Variants in NLRP13 observed in about 807,000 individuals in gnomAD.
The protein encoded by NLRP13 is NLR family pyrin domain containing 13.
NLRP13 carries 82 observed loss-of-function variants against 94.4 expected under a neutral mutation model. The ratio of observed to expected loss-of-function variants is 0.87; its 90% CI spans 0.73 to 1.04. NLRP13 has a LOEUF of 1.04. Ranked by LOEUF, NLRP13 falls within the 50% of genes least tolerant of loss-of-function variation. The probability of loss-of-function intolerance (pLI) is 0.00; values close to 1 mark genes in which losing one functional copy is unlikely to be tolerated. For missense variants in NLRP13, 1,426 were observed against 1,230.8 expected, an observed-to-expected ratio of 1.16 and a Z score of -2.37; for synonymous variants, 553 against 464.7, an observed-to-expected ratio of 1.19 and a Z score of -2.45.
intron 7 of NLRP13, among the ~76,000 whole-genome samples, chr19:55,905,531 A>G (rs1418528518): frequency 6.6e-6 from 1 of 151,822 alleles, no homozygotes. Flanking sequence ...GTGCACCTGT[A>G]GTCCCAGCTA....
At chr19:55,927,267 G>A (rs1015686238) in intron 1 of NLRP13, among the ~76,000 whole-genome samples, 1 of 151,728 alleles carries the variant, frequency 6.6e-6, no homozygotes. Context: ...TATTTGGGAG[G>A]CTGAGGCAGG....
chr19:55,906,055 A>C (rs1297936945), intron 7 of NLRP13, among the ~76,000 whole-genome samples: 1 of 152,090 alleles, frequency 6.6e-6, no homozygotes, highest in Non-Finnish European at 1.5e-5. Context: ...AAGAAAGAAG[A>C]GGCCAGGCGT....
chr19:55,907,391 G>A (rs1378062958), intron 7 of NLRP13, among the ~76,000 whole-genome samples: 5 of 152,170 alleles, frequency 3.3e-5, no homozygotes, highest in South Asian at 2.1e-4. Context: ...GGGAAACATG[G>A]CAAAACCCCA....
At chr19:55,927,947 A>G (rs150719422) in intron 1 of NLRP13, among the ~76,000 whole-genome samples, 3 of 152,280 alleles carry the variant, frequency 2.0e-5, no homozygotes, top group East Asian at 1.9e-4. Context: ...TGTGTCCGCA[A>G]ACTCACTCTC....
At chr19:55,929,173 G>A (rs553646956) in intron 1 of NLRP13, among the ~76,000 whole-genome samples, 10 of 152,318 alleles carry the variant, frequency 6.6e-5, no homozygotes, top group African/African-American at 1.2e-4. Context: ...TTACACTGTT[G>A]GTGGGAGTGT....
intron 8 of NLRP13, among the ~76,000 whole-genome samples, chr19:55,902,724 A>G (rs1986221874): frequency 6.6e-6 from 1 of 152,128 alleles, no homozygotes; most frequent in Admixed American, 6.5e-5. Context: ...TAGAGATGGC[A>G]TATATTAGAT....
At chr19:55,931,645 G>A (rs559407004) in intron 1 of NLRP13, among the ~76,000 whole-genome samples, 1 of 146,516 alleles carries the variant, frequency 6.8e-6, no homozygotes, top group East Asian at 2.0e-4. Flanking sequence ...GGAGGCAGAG[G>A]TTACAGTGAC....
chr19:55,915,063 G>A (rs1329057997), intron 4 of NLRP13, among the ~76,000 whole-genome samples: 1 of 152,184 alleles, frequency 6.6e-6, no homozygotes, highest in Non-Finnish European at 1.5e-5. Context: ...AAAAGAGAGG[G>A]AAAGGAGAAA....
At chr19:55,903,557 C>T (rs1986250245) in intron 8 of NLRP13, among the ~76,000 whole-genome samples, 1 of 152,240 alleles carries the variant, frequency 6.6e-6, no homozygotes, top group Admixed American at 6.5e-5. Flanking sequence ...CGCAGTCCTG[C>T]CTACAACGGC....
At chr19:55,907,030 G>A (rs1002432700) in intron 7 of NLRP13, among the ~76,000 whole-genome samples, 1 of 152,006 alleles carries the variant, frequency 6.6e-6, no homozygotes, top group East Asian at 1.9e-4. Context: ...CACAATCTTG[G>A]CTCACTGCAA....
At chr19:55,911,589 G>A in intron 5 of NLRP13, 117 bp downstream of exon 5, 1 of 973,546 alleles carries the variant, frequency 1.0e-6, no homozygotes, top group Non-Finnish European at 1.5e-6. Context: ...AGACCATTTG[G>A]TCGGAAATAA....
Position 55,912,741 on chromosome 19 carries a change from A to G in NLRP13, c.1076T>C (p.Leu359Ser), listed in dbSNP as rs971582477. Residue 359 changes from leucine to serine, a missense_variant, in exon 5 of 11, where the codon TTA (leucine) becomes TCA (serine). Transcript: ENST00000342929. ...LKKELVPLAT[L>S]LITIKTWFVR... is the part of the protein sequence containing the mutation. ...AAACCAGGTCTTGATCGTGATCAGT[A>G]AGGTAGCCAGGGGAACCAATTCTTT... 7.4e-6 allele frequency: 12 copies of G among 1,614,086 alleles called. No homozygotes were observed. Among genetic ancestry groups the G allele is most frequent in the African/African-American group, 1.3e-5 (1 of 74,946 alleles).
chr19:55,905,403 A>T (rs994995522), intron 7 of NLRP13, among the ~76,000 whole-genome samples: 3 of 139,578 alleles, frequency 2.1e-5, no homozygotes, highest in African/African-American at 8.0e-5. Flanking sequence ...ATATATATAC[A>T]TACATATATA....
At chr19:55,900,139 C>T (rs1163013033) in intron 9 of NLRP13, among the ~76,000 whole-genome samples, 1 of 151,450 alleles carries the variant, frequency 6.6e-6, no homozygotes, top group African/African-American at 2.4e-5. Context: ...AGTTTGTACC[C>T]CCAAAACATA....
At chr19:55,918,028 T>C (rs953644069) in intron 4 of NLRP13, among the ~76,000 whole-genome samples, 1 of 152,024 alleles carries the variant, frequency 6.6e-6, no homozygotes, top group African/African-American at 2.4e-5. Flanking sequence ...CAAGGCTCAA[T>C]AAATTTTTTA....
At chr19:55,910,450 C>T in intron 6 of NLRP13, 113 bp downstream of exon 6, 1 of 1,006,738 alleles carries the variant, frequency 9.9e-7, no homozygotes. Context: ...TTATTTTATC[C>T]TCCTGAGCAC....
intron 5 of NLRP13, among the ~76,000 whole-genome samples, chr19:55,911,394 C>T (rs1284969581): frequency 6.6e-6 from 1 of 152,048 alleles, no homozygotes; most frequent in Non-Finnish European, 1.5e-5. Flanking sequence ...CCACACCCAG[C>T]TAATAACCAC....
chr19:55,912,234 C>CA lies in NLRP13; in HGVS notation c.1582dup (p.Cys528LeufsTer27). 6.2e-7 allele frequency: 1 copy of CA among 1,614,136 alleles called. No individual in the cohort carries two copies. The highest frequency in any genetic ancestry group is 1.1e-5 in the South Asian group (1 of 91,080). On this transcript the variant is annotated frameshift_variant, in exon 5 of 11. Coordinates refer to ENST00000342929, the MANE Select transcript of NLRP13 (RefSeq NM_176810.2). LOFTEE classifies it high-confidence loss of function. The stretch of plus-strand genomic sequence containing the variant: ...GTGGGTGAAAGTAGTGCAACCCCCA[C>CA]AGTCATTGATCTTTTGAAGAATATT...
chr19:55,902,289 C>T (rs750567000), intron 8 of NLRP13, 84 bp from the exon 9 acceptor site: 11 of 1,094,588 alleles, frequency 1.0e-5, no homozygotes, highest in East Asian at 2.7e-5. Flanking sequence ...GGGCCCCCTC[C>T]GAGCCTACAC....
Sources: gnomAD v4.1 joint callset for allele counts (sites outside exome capture counted in the v4.1 genomes callset) on GRCh38, gnomAD v4.1.1 for gene constraint, MANE v1.5 for transcripts, NCBI Gene and HGNC (gene_info 2026-07-23, HGNC 2026-07-21) for gene names.